The following LIMS1 variants were observed in gnomAD, a reference collection of about 807,000 sequenced individuals.
LIMS1 encodes the protein LIM zinc finger domain containing 1.
Under a neutral mutation model 44.1 loss-of-function variants are expected in LIMS1, and 18 were observed. The ratio of observed to expected loss-of-function variants is 0.41; its 90% CI spans 0.28 to 0.61. The LOEUF (loss-of-function observed/expected upper bound fraction) is 0.61, where lower values mean the gene tolerates loss of function less well. Among genes scored for constraint, LIMS1 ranks in the 20% least tolerant of loss-of-function variants. LIMS1 has a pLI of 0.32. For missense variants in LIMS1, 201 were observed against 422.0 expected (o/e 0.48, Z 4.59); for synonymous variants, 93 against 149.1 (o/e 0.62, Z 2.74).
At chr2:108,666,109 A>G (rs1691740461) in intron 2 of LIMS1, among the ~76,000 whole-genome samples, 1 of 152,006 alleles carries the variant, frequency 6.6e-6, no homozygotes, top group African/African-American at 2.4e-5. Flanking sequence ...TTCCCACACT[A>G]TCTACCTGGA....
intron 9 of LIMS1, among the ~76,000 whole-genome samples, chr2:108,682,656 T>C (rs749163114): frequency 6.6e-6 from 1 of 152,160 alleles, no homozygotes; most frequent in Non-Finnish European, 1.5e-5. Context: ...TAATTCCCAG[T>C]GTAGTGTTTT....
At chr2:108,537,012 G>A (rs906567756) in intron 1 of LIMS1, among the ~76,000 whole-genome samples, 1 of 152,130 alleles carries the variant, frequency 6.6e-6, no homozygotes, top group Non-Finnish European at 1.5e-5. Context: ...TTTCCAGCAT[G>A]ACTGTACCAT....
intron 1 of LIMS1, among the ~76,000 whole-genome samples, chr2:108,616,687 G>A (rs1442891718): frequency 6.6e-6 from 1 of 152,140 alleles, no homozygotes; most frequent in Non-Finnish European, 1.5e-5. Flanking sequence ...TTTGTGGACA[G>A]ATGCTTCTGC....
intron 1 of LIMS1, among the ~76,000 whole-genome samples, chr2:108,627,152 G>A (rs1168907786): frequency 6.6e-6 from 1 of 152,206 alleles, no homozygotes; most frequent in Non-Finnish European, 1.5e-5. Context: ...ACGTAGCCTA[G>A]GCATGTAATA....
intron 1 of LIMS1, among the ~76,000 whole-genome samples, chr2:108,538,104 A>G (rs1684201120): frequency 6.6e-6 from 1 of 152,204 alleles, no homozygotes; most frequent in African/African-American, 2.4e-5. Context: ...TTTTCCACCC[A>G]CAGGGATGTC....
intron 1 of LIMS1, among the ~76,000 whole-genome samples, chr2:108,598,649 G>A (rs377262503): frequency 5.3e-5 from 8 of 152,336 alleles, no homozygotes; most frequent in East Asian, 3.9e-4. Context: ...ATGTGTGCCA[G>A]TCTGACACTG....
intron 1 of LIMS1, among the ~76,000 whole-genome samples, chr2:108,546,716 T>G (rs1431157599): frequency 1.3e-5 from 2 of 152,018 alleles, no homozygotes; most frequent in African/African-American, 4.8e-5. Context: ...ATAAATAGTT[T>G]TATGTTAAAT....
intron 1 of LIMS1, among the ~76,000 whole-genome samples, chr2:108,554,286 A>G (rs1684850370): frequency 6.6e-6 from 1 of 152,158 alleles, no homozygotes; most frequent in South Asian, 2.1e-4. Flanking sequence ...TATTCACTTG[A>G]TACCTATTGC....
At chr2:108,668,323 C>A (rs1691931604) in intron 2 of LIMS1, among the ~76,000 whole-genome samples, 1 of 151,142 alleles carries the variant, frequency 6.6e-6, no homozygotes, top group African/African-American at 2.5e-5. Context: ...ACTTATTCGT[C>A]CTAACTGTAA....
chr2:108,552,720 G>C (rs544751354), intron 1 of LIMS1, among the ~76,000 whole-genome samples: 59 of 151,658 alleles, frequency 3.9e-4, no homozygotes, highest in African/African-American at 1.4e-3. Context: ...GGGACTACAG[G>C]CATGTGCCAC....
chr2:108,596,704 T>C (rs2104703503), intron 1 of LIMS1, among the ~76,000 whole-genome samples: 1 of 152,314 alleles, frequency 6.6e-6, no homozygotes, highest in African/African-American at 2.4e-5. Flanking sequence ...ATGCCTGTAA[T>C]CCCAGCTACT....
chr2:108,593,385 T>G (rs1686505768), intron 1 of LIMS1, among the ~76,000 whole-genome samples: 1 of 152,178 alleles, frequency 6.6e-6, no homozygotes, highest in African/African-American at 2.4e-5. Flanking sequence ...ACTAATTCTT[T>G]CCTTCTCACC....
chr2:108,552,043 A>T (rs2104591979), intron 1 of LIMS1, among the ~76,000 whole-genome samples: 1 of 145,454 alleles, frequency 6.9e-6, no homozygotes, highest in Non-Finnish European at 1.5e-5. Context: ...AGAAGTACAG[A>T]GGTCTCTAAT....
intron 1 of LIMS1, among the ~76,000 whole-genome samples, chr2:108,554,119 A>G (rs1325499715): frequency 1.3e-5 from 2 of 152,148 alleles, no homozygotes; most frequent in Admixed American, 1.3e-4. Flanking sequence ...TTCTCTGGGA[A>G]ATCCATTCAA....
chr2:108,671,085 C>T (rs1381729699), intron 3 of LIMS1: 9 of 508,622 alleles, frequency 1.8e-5, no homozygotes, highest in Admixed American at 1.4e-4. Flanking sequence ...GCAGGAGAAT[C>T]GCTCGAACCC....
At position 108,534,447 on chromosome 2, in the gene LIMS1, C is replaced by G. The variant is rs868669321; in HGVS notation, c.-116C>G. On this transcript the variant is annotated 5_prime_UTR_variant, in exon 1 of 10. Coordinates refer to ENST00000544547, the Ensembl canonical transcript of LIMS1. ...CGCGCGGCCGGCCCCTGGCCTTCCT[C>G]CCCTTCCTGCTCCGGGCCCGCCAGT... The G allele has an allele frequency of 3.5e-4, 287 of 829,974 alleles. 1 individual carries two copies. In the Middle Eastern group the frequency reaches 8.5e-3, roughly 25 times the overall value. 51.4% of individuals were successfully genotyped at this position (829,974 alleles called of 1,614,324 possible).
intron 9 of LIMS1, chr2:108,681,017 T>G (rs1466259894): frequency 7.8e-6 from 10 of 1,275,110 alleles, no homozygotes; most frequent in Non-Finnish European, 8.9e-6. Context: ...AACACTGTTA[T>G]GAGAAAATGC....
rs1258487735 is a variant in LIMS1, at chr2:108,624,782, A to G, written c.33-34823A>G. On this transcript the variant is annotated intron_variant, in intron 1 of 9. Coordinates refer to ENST00000544547, the Ensembl canonical transcript of LIMS1. ...TAAATAAATAAATAAATAAATAACA[A>G]TATAGGGGCTGGTAGGCCGGGTGCG... Among the ~76,000 whole-genome samples the G allele has an allele frequency of 4.0e-5, 6 of 150,580 alleles. No individual in the cohort carries two copies. The East Asian group carries it at 1.2e-3, about 30-fold the overall frequency.
At chr2:108,657,837 A>G (rs1354371467) in intron 1 of LIMS1, 3 of 152,294 alleles carry the variant, frequency 2.0e-5, no homozygotes, top group Non-Finnish European at 2.9e-5. Context: ...GCACGCAGTT[A>G]TTTATGGCAA....
Sources: gnomAD v4.1 joint callset for allele counts (sites outside exome capture counted in the v4.1 genomes callset) on GRCh38, gnomAD v4.1.1 for gene constraint, MANE v1.5 for transcripts, NCBI Gene and HGNC (gene_info 2026-07-23, HGNC 2026-07-21) for gene names.